The following RALA variants were observed in gnomAD, a reference collection of about 807,000 sequenced individuals.
The protein encoded by RALA is ras-related protein Ral-A.
A neutral mutation model predicts 24.0 loss-of-function variants in RALA; 5 were observed. The ratio of observed to expected loss-of-function variants is 0.21; its 90% CI spans 0.11 to 0.44. The LOEUF (loss-of-function observed/expected upper bound fraction) is 0.44. Among genes scored for constraint, RALA ranks in the 20% least tolerant of loss-of-function variants. The pLI is 0.99. For missense variants in RALA, 95 were observed against 241.2 expected, an observed-to-expected ratio of 0.39 and a Z score of 4.01; for synonymous variants, 77 against 83.8, an observed-to-expected ratio of 0.92 and a Z score of 0.44.
intron 1 of RALA, among the ~76,000 whole-genome samples, chr7:39,631,084 T>G (rs558751417): frequency 1.3e-5 from 2 of 151,748 alleles, no homozygotes; most frequent in South Asian, 4.2e-4. Context: ...CTCAGCTCAC[T>G]GTACCCTCTG....
At chr7:39,684,242 A>G (rs1282715819) in intron 1 of RALA, among the ~76,000 whole-genome samples, 3 of 152,188 alleles carry the variant, frequency 2.0e-5, no homozygotes. Flanking sequence ...ATTTTTTGCC[A>G]TACGCTTAAC....
chr7:39,697,475 G>C, intron 4 of RALA: 2 of 456,554 alleles, frequency 4.4e-6, no homozygotes, highest in Non-Finnish European at 8.8e-6. Context: ...CCCTAGACCA[G>C]CTCCAGTATC....
At chr7:39,640,296 C>T (rs1386598625) in intron 1 of RALA, among the ~76,000 whole-genome samples, 4 of 152,190 alleles carry the variant, frequency 2.6e-5, no homozygotes, top group Admixed American at 6.5e-5. Context: ...CTTGGCCTCC[C>T]AAAGTGCTGG....
At chr7:39,702,984 AAGG>A (rs1001197513) in intron 4 of RALA, 3 of 152,198 alleles carry the variant, frequency 2.0e-5, no homozygotes, top group African/African-American at 7.2e-5. Context: ...AAATACCTGA[AAGG>A]AGGATATTGA....
intron 1 of RALA, among the ~76,000 whole-genome samples, chr7:39,644,707 A>G (rs1005011127): frequency 1.3e-5 from 2 of 152,160 alleles, no homozygotes; most frequent in African/African-American, 4.8e-5. Flanking sequence ...AAACTATCTA[A>G]TTTCATTAGA....
At chr7:39,689,290 G>C (rs576331529) in intron 2 of RALA, among the ~76,000 whole-genome samples, 38 of 152,246 alleles carry the variant, frequency 2.5e-4, no homozygotes, top group African/African-American at 8.7e-4. Context: ...ACCACACCCA[G>C]CCCACATGCC....
intron 1 of RALA, among the ~76,000 whole-genome samples, chr7:39,669,808 TAAAAAAA>T (rs35648613): frequency 7.5e-6 from 1 of 133,802 alleles, no homozygotes; most frequent in Non-Finnish European, 1.6e-5. Context: ...TCTGTCTCTT[TAAAAAAA>T]AAAAAAAAAA....
At chr7:39,631,745 C>T (rs768223467) in intron 1 of RALA, among the ~76,000 whole-genome samples, 16 of 152,048 alleles carry the variant, frequency 1.1e-4, no homozygotes, top group Non-Finnish European at 1.8e-4. Flanking sequence ...TCCATTTATA[C>T]GAATATTGTT....
At chr7:39,676,686 G>A (rs550817511) in intron 1 of RALA, among the ~76,000 whole-genome samples, 2 of 152,270 alleles carry the variant, frequency 1.3e-5, no homozygotes, top group East Asian at 3.9e-4. Context: ...GACATACAAA[G>A]ATCATTGGGG....
At chr7:39,691,668 C>T (rs1333566781) in intron 3 of RALA, among the ~76,000 whole-genome samples, 1 of 152,178 alleles carries the variant, frequency 6.6e-6, no homozygotes, top group East Asian at 1.9e-4. Flanking sequence ...AGAACTTATT[C>T]TAAGAGAGCA....
intron 1 of RALA, among the ~76,000 whole-genome samples, chr7:39,680,532 C>T (rs1792574954): frequency 6.6e-6 from 1 of 150,714 alleles, no homozygotes; most frequent in Admixed American, 6.6e-5. Flanking sequence ...GCCGAGAGTG[C>T]GCTACTGCAC....
intron 1 of RALA, among the ~76,000 whole-genome samples, chr7:39,646,628 A>C (rs1307015370): frequency 6.6e-6 from 1 of 152,210 alleles, no homozygotes; most frequent in Non-Finnish European, 1.5e-5. Context: ...CCCTGTCTCA[A>C]AAAAAGATTG....
intron 1 of RALA, among the ~76,000 whole-genome samples, chr7:39,653,320 G>T (rs1007760665): frequency 6.6e-6 from 1 of 151,778 alleles, no homozygotes; most frequent in Non-Finnish European, 1.5e-5. Flanking sequence ...GAGCCACCAC[G>T]CCCGGCCTAT....
chr7:39,684,665 A>T (rs1230670571), intron 1 of RALA, among the ~76,000 whole-genome samples: 1 of 151,720 alleles, frequency 6.6e-6, no homozygotes, highest in African/African-American at 2.4e-5. Flanking sequence ...TTGGAAGAAG[A>T]ATTGTCTTGG....
At chr7:39,691,521 A>G (rs867598607) in intron 3 of RALA, among the ~76,000 whole-genome samples, 1 of 152,168 alleles carries the variant, frequency 6.6e-6, no homozygotes, top group Non-Finnish European at 1.5e-5. Flanking sequence ...AAGCTGGGAA[A>G]CCTTCATGAA....
intron 1 of RALA, among the ~76,000 whole-genome samples, chr7:39,637,055 T>C (rs748756056): frequency 1.3e-5 from 2 of 152,252 alleles, no homozygotes; most frequent in Non-Finnish European, 2.9e-5. Context: ...TTAAAAACAT[T>C]AAATTGTTAA....
chr7:39,706,097 A>ATTT, intron 4 of RALA, 26 bp from the exon 5 acceptor site: 1 of 1,579,470 alleles, frequency 6.3e-7, no homozygotes, highest in Non-Finnish European at 8.6e-7. Context: ...TGTTTGCTTT[A>ATTT]TTTATCCTAT....
chr7:39,699,136 T>TA (rs1792974539), intron 4 of RALA, among the ~76,000 whole-genome samples: 1 of 123,818 alleles, frequency 8.1e-6, no homozygotes, highest in African/African-American at 3.1e-5. Flanking sequence ...TTTTTTTTTT[T>TA]TTTTTTTTTT....
At chr7:39,657,977 A>G (rs1792123305) in intron 1 of RALA, among the ~76,000 whole-genome samples, 1 of 152,182 alleles carries the variant, frequency 6.6e-6, no homozygotes, top group Non-Finnish European at 1.5e-5. Flanking sequence ...AAGCCCCTTA[A>G]AGAGAGGGTA....
Sources: gnomAD v4.1 joint callset for allele counts (sites outside exome capture counted in the v4.1 genomes callset) on GRCh38, gnomAD v4.1.1 for gene constraint, MANE v1.5 for transcripts, NCBI Gene and HGNC (gene_info 2026-07-23, HGNC 2026-07-21) for gene names.